The following TLK2 variants were observed in gnomAD, a reference collection of about 807,000 sequenced individuals.
The protein encoded by TLK2 is serine/threonine-protein kinase tousled-like 2.
TLK2 carries 6 observed loss-of-function variants against 117.3 expected under a neutral mutation model. The observed-to-expected ratio is 0.05, with a 90% CI of 0.03 to 0.10. TLK2 has a LOEUF of 0.10. Ranked by LOEUF, TLK2 falls within the 10% of genes least tolerant of loss-of-function variation. TLK2 has a pLI of 1.00. For missense variants in TLK2, 299 were observed against 901.2 expected (o/e 0.33, Z 8.56); for synonymous variants, 257 against 316.7 (o/e 0.81, Z 2.00).
intron 2 of TLK2, among the ~76,000 whole-genome samples, chr17:62,482,537 C>A (rs2071803320): frequency 6.6e-6 from 1 of 151,364 alleles, no homozygotes; most frequent in Non-Finnish European, 1.5e-5. Context: ...GCAACCTCTG[C>A]CTCCTGGGTT....
At chr17:62,522,501 C>T (rs1164658535) in intron 4 of TLK2, among the ~76,000 whole-genome samples, 4 of 152,190 alleles carry the variant, frequency 2.6e-5, no homozygotes, top group Admixed American at 1.3e-4. Context: ...TGTAAGCTAA[C>T]AATCTTCTTA....
At chr17:62,495,524 C>T (rs2073560266) in intron 2 of TLK2, among the ~76,000 whole-genome samples, 1 of 151,548 alleles carries the variant, frequency 6.6e-6, no homozygotes, top group Non-Finnish European at 1.5e-5. Flanking sequence ...AAGTGATCCT[C>T]CCACCTCAGC....
At chr17:62,535,495 G>A (rs1222379866) in intron 6 of TLK2, among the ~76,000 whole-genome samples, 3 of 151,996 alleles carry the variant, frequency 2.0e-5, no homozygotes, top group Non-Finnish European at 4.4e-5. Flanking sequence ...GGCCAGGCAC[G>A]GTGGCTCATG....
chr17:62,519,209 A>C (rs1471132782), intron 2 of TLK2, among the ~76,000 whole-genome samples: 2 of 152,084 alleles, frequency 1.3e-5, no homozygotes, highest in Non-Finnish European at 2.9e-5. Flanking sequence ...TTTTATGTTG[A>C]TGTGAAGGAA....
intron 8 of TLK2, 48 bp downstream of exon 8, chr17:62,552,445 G>A: frequency 6.2e-7 from 1 of 1,613,712 alleles, no homozygotes; most frequent in Non-Finnish European, 8.5e-7. Context: ...TGCTGTGTAG[G>A]AATAAGGGCT....
chr17:62,519,926 C>T (rs2075916910), intron 2 of TLK2, among the ~76,000 whole-genome samples: 1 of 152,120 alleles, frequency 6.6e-6, no homozygotes, highest in Non-Finnish European at 1.5e-5. Flanking sequence ...TGCGTAGTAC[C>T]ACAACCCCTA....
At chr17:62,487,202 G>C (rs889148476) in intron 2 of TLK2, among the ~76,000 whole-genome samples, 8 of 151,384 alleles carry the variant, frequency 5.3e-5, no homozygotes, top group African/African-American at 1.5e-4. Flanking sequence ...TAAGGCGGGA[G>C]AATCACTTGA....
Position 62,487,620 on chromosome 17 carries a change from C to CTTTT in TLK2, c.81+6431_81+6434dup, listed in dbSNP as rs71155932. Among the ~76,000 whole-genome samples the CTTTT allele has an allele frequency of 7.8e-4, 81 of 104,308 alleles. 1 individual carries two copies. Among genetic ancestry groups the CTTTT allele is most frequent in the Middle Eastern group, 8.5e-3 (1 of 118 alleles). The allele number at this position is 104,308 out of a possible 152,430, so 68.4% of individuals were successfully genotyped here. On this transcript the variant is annotated intron_variant, in intron 2 of 21. Coordinates refer to ENST00000346027, the MANE Select transcript of TLK2 (RefSeq NM_006852.6). ...CTTTACTTAAATCCTTGGCAAGTATCTTTTTTTTTTTTTTTTTTTTGAGAC... is the reference window on the plus strand; with the variant it reads ...CTTTACTTAAATCCTTGGCAAGTATCTTTTTTTTTTTTTTTTTTTTTTTTGAGAC...
At position 62,516,465 on chromosome 17, in the gene TLK2, A is replaced by G. The variant is rs1396257160; in HGVS notation, c.82-4308A>G. The G allele has an allele frequency of 1.4e-5, 22 of 1,602,034 alleles. No homozygotes were observed. In the Admixed American group the frequency reaches 3.1e-4, roughly 22 times the overall value. On this transcript the variant is annotated intron_variant, in intron 2 of 21. Transcript: ENST00000346027. Reference sequence around the variant, plus strand: ...ACAGACCTTTAGGCCGAGGCCTGCCAGTCTCTGGACGGCTACGGCGTAGGG... The same window carrying G: ...ACAGACCTTTAGGCCGAGGCCTGCCGGTCTCTGGACGGCTACGGCGTAGGG...
intron 6 of TLK2, among the ~76,000 whole-genome samples, chr17:62,525,614 A>G (rs922797824): frequency 2.0e-5 from 3 of 152,006 alleles, no homozygotes; most frequent in African/African-American, 7.2e-5. Flanking sequence ...ACGCCCGGCT[A>G]ATTTTTGTAT....
At chr17:62,548,294 T>TA (rs1225098650) in intron 7 of TLK2, among the ~76,000 whole-genome samples, 1 of 151,270 alleles carries the variant, frequency 6.6e-6, no homozygotes, top group Non-Finnish European at 1.5e-5. Flanking sequence ...TTTTTATTTT[T>TA]TTTTTGAGCT....
At position 62,546,766 on chromosome 17, in the gene TLK2, G is replaced by A. The variant is rs548384835; in HGVS notation, c.532-5536G>A. On this transcript the variant is annotated intron_variant, in intron 7 of 21. Coordinates refer to ENST00000346027, the MANE Select transcript of TLK2 (RefSeq NM_006852.6). Reference sequence around the variant, plus strand: ...GTAGAGACGGGGTTTCACCATGTTGGCCAGGCTGGTCTCGAACTCCTGACC... The same window carrying A: ...GTAGAGACGGGGTTTCACCATGTTGACCAGGCTGGTCTCGAACTCCTGACC... Among the ~76,000 whole-genome samples the A allele has an allele frequency of 5.3e-5, 8 of 151,786 alleles. No homozygotes were observed. The East Asian group carries it at 9.8e-4, about 19-fold the overall frequency.
At chr17:62,475,569 T>A (rs1426637892), upstream of TLK2, among the ~76,000 whole-genome samples, 1 of 151,930 alleles carries the variant, frequency 6.6e-6, no homozygotes, top group Non-Finnish European at 1.5e-5. Context: ...TGGATCTCAA[T>A]CTCCTGACCT....
intron 2 of TLK2, among the ~76,000 whole-genome samples, chr17:62,512,213 C>CTTTTTTTT (rs35913164): frequency 7.4e-5 from 3 of 40,640 alleles, no homozygotes; most frequent in African/African-American, 2.8e-4. Flanking sequence ...ATCACCCCTC[C>CTTTTTTTT]TTTTTTTTTT....
At chr17:62,497,771 T>G (rs1481886685) in intron 2 of TLK2, among the ~76,000 whole-genome samples, 3 of 152,220 alleles carry the variant, frequency 2.0e-5, no homozygotes, top group African/African-American at 7.2e-5. Context: ...CTAGGCTTAC[T>G]GCAACCTCCA....
chr17:62,471,515 T>G (rs2070938819), intron 1 of TLK2, among the ~76,000 whole-genome samples: 1 of 152,182 alleles, frequency 6.6e-6, no homozygotes, highest in South Asian at 2.1e-4. Context: ...TGGAGGCTGT[T>G]TATGTGCCAA....
chr17:62,509,062 A>G (rs1399830595), intron 2 of TLK2, among the ~76,000 whole-genome samples: 5 of 152,146 alleles, frequency 3.3e-5, no homozygotes, highest in African/African-American at 4.8e-5. Context: ...GGTGTTGGTG[A>G]TTTCTCCTAA....
chr17:62,483,052 A>G (rs1218372160), intron 2 of TLK2, among the ~76,000 whole-genome samples: 1 of 152,172 alleles, frequency 6.6e-6, no homozygotes, highest in African/African-American at 2.4e-5. Flanking sequence ...AAACTCTCTG[A>G]TCTAGGTGAA....
chr17:62,574,620 T>C (rs1469764067), intron 12 of TLK2, among the ~76,000 whole-genome samples: 1 of 151,876 alleles, frequency 6.6e-6, no homozygotes, highest in Non-Finnish European at 1.5e-5. Flanking sequence ...GGTTCAAGCG[T>C]TTCTCCTGCC....
Sources: gnomAD v4.1 joint callset for allele counts (sites outside exome capture counted in the v4.1 genomes callset) on GRCh38, gnomAD v4.1.1 for gene constraint, MANE v1.5 for transcripts, NCBI Gene and HGNC (gene_info 2026-07-23, HGNC 2026-07-21) for gene names.